CXADR: variants seen among roughly 807,000 people sequenced by gnomAD.
The protein encoded by CXADR is coxsackievirus and adenovirus receptor.
CXADR carries 20 observed loss-of-function variants against 40.3 expected under a neutral mutation model. The observed-to-expected ratio is 0.50, with a 90% CI of 0.35 to 0.72. The LOEUF is 0.72. Among genes scored for constraint, CXADR ranks in the 30% least tolerant of loss-of-function variants. The pLI is 0.01. For missense variants in CXADR, 332 were observed against 449.1 expected (o/e 0.74, Z 2.36); for synonymous variants, 150 against 161.3 (o/e 0.93, Z 0.53).
downstream of CXADR, chr21:17,594,227 C>G (rs192593680): frequency 1.2e-6 from 2 of 1,613,318 alleles, no homozygotes; most frequent in Admixed American, 1.7e-5. Flanking sequence ...CCAAATGGAA[C>G]AGGAGGAGGA....
chr21:17,515,995 T>G (rs2060457596), intron 1 of CXADR, among the ~76,000 whole-genome samples: 1 of 152,184 alleles, frequency 6.6e-6, no homozygotes. Flanking sequence ...CGATGCATTT[T>G]TATTGGCTGC....
At chr21:17,621,566 A>G in the CXADR span, among the ~76,000 whole-genome samples, 1 of 152,216 alleles carries the variant, frequency 6.6e-6, no homozygotes, top group African/African-American at 2.4e-5. Context: ...CAACAGTACC[A>G]AGAGATGGGA....
chr21:17,561,567 C>A, intron 6 of CXADR, 91 bp downstream of exon 6: 2 of 1,127,552 alleles, frequency 1.8e-6, no homozygotes, highest in Non-Finnish European at 2.5e-6. Flanking sequence ...CCCAAAGCAT[C>A]TTTCTTAGGA....
chr21:17,585,720 A>G (rs897486238), intron 7 of CXADR, among the ~76,000 whole-genome samples: 9 of 152,192 alleles, frequency 5.9e-5, no homozygotes, highest in Admixed American at 2.0e-4. Context: ...GGGTTTCACC[A>G]TGTTGGCCAG....
At chr21:17,596,945 T>C (rs2061511980), downstream of CXADR, among the ~76,000 whole-genome samples, 1 of 152,122 alleles carries the variant, frequency 6.6e-6, no homozygotes, top group Non-Finnish European at 1.5e-5. Context: ...GAAATTTTGT[T>C]GTCCTTATTT....
At chr21:17,516,952 G>GA (rs145427962) in intron 1 of CXADR, among the ~76,000 whole-genome samples, 21 of 151,004 alleles carry the variant, frequency 1.4e-4, no homozygotes, top group East Asian at 9.7e-4. Context: ...ATGAAAAATA[G>GA]AAAAAAAACA....
At chr21:17,607,049 A>T in the CXADR span, among the ~76,000 whole-genome samples, 1 of 152,218 alleles carries the variant, frequency 6.6e-6, no homozygotes, top group Non-Finnish European at 1.5e-5. Context: ...AGTCTCTACT[A>T]ACTTGGTTAA....
intron 1 of CXADR, chr21:17,519,102 C>G (rs922889285): frequency 5.0e-6 from 4 of 803,808 alleles, no homozygotes; most frequent in Non-Finnish European, 8.4e-6. Context: ...TGCGATTATA[C>G]CACCATCAGA....
At chr21:17,564,477 CAAG>C (rs779896501) in intron 6 of CXADR, among the ~76,000 whole-genome samples, 2 of 151,702 alleles carry the variant, frequency 1.3e-5, no homozygotes, top group Admixed American at 6.6e-5. Flanking sequence ...GGAATAATGA[CAAG>C]AAAAAAGCTG....
chr21:17,536,244 TGTCA>T lies in CXADR; in HGVS notation c.44-10782_44-10779del, dbSNP rs1297327751. On this transcript the variant is annotated intron_variant, in intron 1 of 6. Coordinates refer to ENST00000284878, the MANE Select transcript of CXADR (RefSeq NM_001338.5). ...AGTTTTTCTTAACATACTTCTTTTA[TGTCA>T]ACAACTATACATAAAGTAGCATCAG... Among the ~76,000 whole-genome samples, 6 of 152,346 alleles carry T rather than the reference TGTCA, an allele frequency of 3.9e-5. No individual in the cohort carries two copies. The East Asian group carries it at 1.2e-3, about 29-fold the overall frequency.
chr21:17,554,766 A>C (rs1044773517), intron 3 of CXADR, among the ~76,000 whole-genome samples: 1 of 152,228 alleles, frequency 6.6e-6, no homozygotes, highest in Non-Finnish European at 1.5e-5. Flanking sequence ...AAAAGATAAG[A>C]TGAAGTGCCC....
intron 1 of CXADR, among the ~76,000 whole-genome samples, chr21:17,539,851 C>T (rs762053865): frequency 6.6e-6 from 1 of 152,168 alleles, no homozygotes; most frequent in Non-Finnish European, 1.5e-5. Context: ...GAAATCATTA[C>T]CTTCATGTCC....
At chr21:17,578,688 G>A (rs559784868) in intron 7 of CXADR, among the ~76,000 whole-genome samples, 1 of 152,170 alleles carries the variant, frequency 6.6e-6, no homozygotes, top group Non-Finnish European at 1.5e-5. Context: ...AATTAGCCGG[G>A]CATGGTGGCA....
chr21:17,551,642 T>C (rs2060970289), intron 2 of CXADR, 107 bp from the exon 3 acceptor site: 1 of 887,348 alleles, frequency 1.1e-6, no homozygotes, highest in Admixed American at 2.9e-5. Flanking sequence ...TTTTCTTTTC[T>C]GGGAGGGGGC....
Position 17,563,776 on chromosome 21 carries a change from C to A in CXADR, c.834-1652C>A, listed in dbSNP as rs2061157338. 6.0e-5 allele frequency among the ~76,000 whole-genome samples: 9 copies of A among 151,044 alleles called. No homozygotes were observed. The South Asian group carries it at 1.9e-3, about 32-fold the overall frequency. On this transcript the variant is annotated intron_variant, in intron 6 of 6. Coordinates refer to ENST00000284878, the MANE Select transcript of CXADR (RefSeq NM_001338.5). ...CTAACACGGTGAAACCCCGTCTCTA[C>A]TAAAAATACAAAAAATTAGCCGGGT... is the stretch of plus-strand genomic sequence containing the variant.
chr21:17,573,678 G>A (rs2061297556), downstream of CXADR, among the ~76,000 whole-genome samples: 1 of 152,204 alleles, frequency 6.6e-6, no homozygotes, highest in Non-Finnish European at 1.5e-5. Context: ...GGAGGCCGAG[G>A]CAAGTGGATC....
the CXADR span, among the ~76,000 whole-genome samples, chr21:17,600,205 T>C: frequency 2.0e-5 from 3 of 152,268 alleles, no homozygotes; most frequent in Middle Eastern, 3.4e-3. Flanking sequence ...AGAGTTTTTA[T>C]TCAGTGGACA....
intron 1 of CXADR, chr21:17,519,095 G>A (rs2060496822): frequency 3.6e-6 from 3 of 826,594 alleles, no homozygotes; most frequent in Non-Finnish European, 6.1e-6. Context: ...TCATTCCTGC[G>A]ATTATACCAC....
chr21:17,543,158 G>C (rs1026899357), intron 1 of CXADR: 2 of 196,676 alleles, frequency 1.0e-5, no homozygotes, highest in Admixed American at 5.9e-5. Context: ...AAAAATCTCA[G>C]AATAAAGCAG....
Sources: allele counts gnomAD v4.1 joint callset (sites outside exome capture counted in the v4.1 genomes callset), GRCh38; gene constraint gnomAD v4.1.1; transcripts MANE v1.5; gene names NCBI Gene and HGNC (gene_info 2026-07-23, HGNC 2026-07-21).